The following SLC4A4 variants were observed in gnomAD, a reference collection of about 807,000 sequenced individuals.
SLC4A4 encodes electrogenic sodium bicarbonate cotransporter 1.
A neutral mutation model predicts 111.5 loss-of-function variants in SLC4A4; 27 were observed. The ratio of observed to expected loss-of-function variants is 0.24; its 90% confidence interval spans 0.18 to 0.33. The LOEUF (loss-of-function observed/expected upper bound fraction) is 0.33. Ranked by LOEUF, SLC4A4 falls within the 10% of genes least tolerant of loss-of-function variation. The pLI is 1.00. For missense variants in SLC4A4, 909 were observed against 1,315.5 expected (o/e 0.69, Z 4.78); for synonymous variants, 443 against 463.4 (o/e 0.96, Z 0.57).
At chr4:71,513,760 G>T (rs545225083) in intron 16 of SLC4A4, among the ~76,000 whole-genome samples, 1 of 152,084 alleles carries the variant, frequency 6.6e-6, no homozygotes, top group South Asian at 2.1e-4. Flanking sequence ...ATTAGTGGTG[G>T]GTTTGTTGTA....
chr4:71,551,336 G>A (rs1018632014), intron 20 of SLC4A4, among the ~76,000 whole-genome samples: 1 of 151,816 alleles, frequency 6.6e-6, no homozygotes, highest in Admixed American at 6.6e-5. Context: ...AATATTTGTT[G>A]AGCTTCTACA....
chr4:71,490,443 C>T (rs1296609120), intron 15 of SLC4A4, among the ~76,000 whole-genome samples: 2 of 151,920 alleles, frequency 1.3e-5, no homozygotes, highest in East Asian at 3.9e-4. Context: ...ACATTTCCAT[C>T]ATACCAGAAG....
At chr4:71,250,464 G>A (rs1442075416) in intron 2 of SLC4A4, among the ~76,000 whole-genome samples, 1 of 152,194 alleles carries the variant, frequency 6.6e-6, no homozygotes, top group African/African-American at 2.4e-5. Context: ...GGGATGGATG[G>A]TGGGAGGTGG....
Position 71,297,878 on chromosome 4 carries a change from G to T in SLC4A4, c.254-41492G>T, listed in dbSNP as rs74634948. ...GCTGGGATTATAGGCTTGAGCCACCGTGCCCAGCCAGCATTGGTAAATCTT... is the reference window on the plus strand; with the variant it reads ...GCTGGGATTATAGGCTTGAGCCACCTTGCCCAGCCAGCATTGGTAAATCTT... On this transcript the variant is annotated intron_variant, in intron 3 of 25. Coordinates refer to ENST00000264485, the MANE Select transcript of SLC4A4 (RefSeq NM_001098484.3). 3.5e-3 allele frequency among the ~76,000 whole-genome samples: 525 copies of T among 152,160 alleles called. 24 individuals carry two copies. The East Asian group carries it at 0.083, about 24-fold the overall frequency.
chr4:71,366,315 TTGTGTGTGTGTGTG>T (rs71673473), intron 6 of SLC4A4, among the ~76,000 whole-genome samples: 32 of 137,914 alleles, frequency 2.3e-4, no homozygotes, highest in African/African-American at 6.9e-4. Context: ...TCTGGAGATA[TTGTGTGTGTGTGTG>T]TGTGTGTGTG....
chr4:71,125,169 A>T (rs1440688919), intron 2 of SLC4A4, among the ~76,000 whole-genome samples: 1 of 152,250 alleles, frequency 6.6e-6, no homozygotes, highest in Non-Finnish European at 1.5e-5. Context: ...GCTTAAAAAA[A>T]TTTCAGGAAA....
intron 2 of SLC4A4, among the ~76,000 whole-genome samples, chr4:71,140,945 T>A (rs1743977488): frequency 6.6e-6 from 1 of 152,242 alleles, no homozygotes; most frequent in South Asian, 2.1e-4. Context: ...GAATATAATG[T>A]GGGATAATTA....
intron 6 of SLC4A4, among the ~76,000 whole-genome samples, chr4:71,360,848 C>T (rs1045375134): frequency 3.3e-5 from 5 of 152,142 alleles, no homozygotes; most frequent in East Asian, 1.9e-4. Context: ...CAGTTAAAGA[C>T]GGGGTTCTTG....
At chr4:71,392,794 C>T (rs1719434341) in intron 6 of SLC4A4, among the ~76,000 whole-genome samples, 2 of 152,068 alleles carry the variant, frequency 1.3e-5, no homozygotes, top group South Asian at 4.1e-4. Context: ...AGTCCAACAA[C>T]ATATCAAAAA....
chr4:71,405,920 A>T (rs1267557980), intron 7 of SLC4A4, among the ~76,000 whole-genome samples: 1 of 139,054 alleles, frequency 7.2e-6, no homozygotes, highest in Non-Finnish European at 1.6e-5. Context: ...TGTATTCTGA[A>T]GTAAGGAGGT....
chr4:71,410,332 G>T (rs952811010), intron 7 of SLC4A4, among the ~76,000 whole-genome samples: 8 of 152,158 alleles, frequency 5.3e-5, no homozygotes, highest in African/African-American at 1.9e-4. Flanking sequence ...ACTCTGCAAA[G>T]CCACAGGGGT....
At chr4:71,520,645 C>G (rs1024076577) in intron 16 of SLC4A4, among the ~76,000 whole-genome samples, 1 of 152,182 alleles carries the variant, frequency 6.6e-6, no homozygotes, top group Non-Finnish European at 1.5e-5. Context: ...AGTTTTCTGG[C>G]TCCATTTCCT....
intron 1 of SLC4A4, among the ~76,000 whole-genome samples, chr4:71,082,249 G>A (rs1742013336): frequency 6.6e-6 from 1 of 152,012 alleles, no homozygotes; most frequent in African/African-American, 2.4e-5. Flanking sequence ...GGATGTATCT[G>A]AGTCTCAGCT....
chr4:71,419,007 G>C (rs1051218306), intron 7 of SLC4A4, among the ~76,000 whole-genome samples: 1 of 152,318 alleles, frequency 6.6e-6, no homozygotes, highest in African/African-American at 2.4e-5. Flanking sequence ...CAGAACAGCA[G>C]TTTTTCATGA....
At chr4:71,310,104 T>C (rs1204051710) in intron 3 of SLC4A4, among the ~76,000 whole-genome samples, 4 of 151,400 alleles carry the variant, frequency 2.6e-5, no homozygotes, top group Non-Finnish European at 5.9e-5. Flanking sequence ...ATGAACTTAA[T>C]GAAATAAAGC....
intron 3 of SLC4A4, 121 bp from the exon 4 acceptor site, chr4:71,339,249 A>T (rs1233793589): frequency 1.9e-6 from 3 of 1,614,204 alleles, no homozygotes; most frequent in Admixed American, 1.7e-5. Flanking sequence ...AGCAGGAAAG[A>T]TGTCCACTGA....
chr4:71,087,514 T>A (rs971796221), intron 1 of SLC4A4, among the ~76,000 whole-genome samples: 4 of 152,140 alleles, frequency 2.6e-5, no homozygotes, highest in African/African-American at 9.7e-5. Context: ...CAATTTTAGA[T>A]CTTTCCTGCT....
chr4:71,179,437 A>G (rs1745213523), intron 2 of SLC4A4, among the ~76,000 whole-genome samples: 2 of 152,218 alleles, frequency 1.3e-5, no homozygotes, highest in Admixed American at 1.3e-4. Flanking sequence ...AGATGACATG[A>G]TTGTATATCT....
Position 71,327,563 on chromosome 4 carries a change from T to C in SLC4A4, c.254-11807T>C, listed in dbSNP as rs1051171611. ...ATAGACTTGTGTAAAATTAATGATA[T>C]AACAAATGCAAAACATTTAACACAT... On this transcript the variant is annotated intron_variant, in intron 3 of 25. Transcript: ENST00000264485. Among the ~76,000 whole-genome samples, 26 of 152,158 alleles carry C rather than the reference T, an allele frequency of 1.7e-4. 1 individual carries two copies. The highest frequency in any genetic ancestry group is 6.0e-4 in the African/African-American group (25 of 41,542).
Sources: allele counts gnomAD v4.1 joint callset (sites outside exome capture counted in the v4.1 genomes callset), GRCh38; gene constraint gnomAD v4.1.1; transcripts MANE v1.5; gene names NCBI Gene and HGNC (gene_info 2026-07-23, HGNC 2026-07-21).